BBOF1: variants seen among roughly 807,000 people sequenced by gnomAD.
BBOF1 encodes the protein basal body orientation factor 1, also known as basal body-orientation factor 1.
A neutral mutation model predicts 68.0 loss-of-function variants in BBOF1; 62 were observed. That is an observed-to-expected ratio of 0.91 (90% CI 0.74 to 1.13). The LOEUF (loss-of-function observed/expected upper bound fraction) is 1.13, where lower values mean the gene tolerates loss of function less well. Ranked by LOEUF, BBOF1 falls within the 50% of genes most tolerant of loss-of-function variation. The pLI is 0.00. For synonymous variants in BBOF1, 208 were observed against 198.8 expected, an observed-to-expected ratio of 1.05 and a Z score of -0.39; for missense variants, 534 against 600.1, an observed-to-expected ratio of 0.89 and a Z score of 1.15.
At chr14:74,072,454 A>G in intron 9 of BBOF1, 1 of 1,613,372 alleles carries the variant, frequency 6.2e-7, no homozygotes, top group South Asian at 1.1e-5. Flanking sequence ...GTGCTTTACA[A>G]CAGACACCCA....
At chr14:74,081,890 G>A (rs1369345567) in intron 12 of BBOF1, among the ~76,000 whole-genome samples, 1 of 152,184 alleles carries the variant, frequency 6.6e-6, no homozygotes, top group East Asian at 1.9e-4. Context: ...CACCGACAGT[G>A]CAAGTCGCTA....
Position 74,019,545 on chromosome 14 carries a change from G to A in BBOF1, c.56+11G>A. On this transcript the variant is annotated intron_variant, in intron 1 of 11. Coordinates refer to ENST00000394009, the MANE Select transcript of BBOF1 (RefSeq NM_025057.3). ...AGGCAAAGACACGAAGTAAGGAGAA[G>A]CCACCCGAGAGTCCCCTCTCCCTGG... 6.3e-7 allele frequency: 1 copy of A among 1,589,708 alleles called. No individual in the cohort carries two copies. The highest frequency in any genetic ancestry group is 8.6e-7 in the Non-Finnish European group (1 of 1,168,260).
At chr14:74,064,225 G>A (rs7142498) in intron 11 of BBOF1, among the ~76,000 whole-genome samples, 4,381 of 151,516 alleles carry the variant, frequency 0.029, 217 homozygotes, top group African/African-American at 0.1. Flanking sequence ...TTGAACCCAG[G>A]AGGCGGAGGT....
intron 4 of BBOF1, among the ~76,000 whole-genome samples, chr14:74,038,921 A>G (rs1269368283): frequency 6.6e-6 from 1 of 152,152 alleles, no homozygotes; most frequent in Non-Finnish European, 1.5e-5. Context: ...AAGAAATGAA[A>G]AAGAAAAAAA....
intron 9 of BBOF1, chr14:74,071,772 TA>T: frequency 6.8e-7 from 1 of 1,465,052 alleles, no homozygotes; most frequent in Non-Finnish European, 9.5e-7. Flanking sequence ...TCACAAGTAT[TA>T]AAAAAGATAT....
chr14:74,057,456 CAAATGT>C (rs1208558800), intron 11 of BBOF1, 198 bp downstream of exon 11: 11 of 1,457,506 alleles, frequency 7.5e-6, no homozygotes, highest in African/African-American at 1.4e-5. Flanking sequence ...AATGCAAATG[CAAATGT>C]GTGCCTCTTT....
At chr14:74,078,041 C>T (rs1014654930) in intron 9 of BBOF1, among the ~76,000 whole-genome samples, 5 of 152,126 alleles carry the variant, frequency 3.3e-5, no homozygotes, top group African/African-American at 1.2e-4. Flanking sequence ...AGTTCAAGAC[C>T]AGCTTGGGGA....
At chr14:74,044,475 CT>C (rs35074690) in intron 5 of BBOF1, among the ~76,000 whole-genome samples, 29 of 135,246 alleles carry the variant, frequency 2.1e-4, no homozygotes, top group Admixed American at 3.8e-4. Context: ...AACCTCTTCT[CT>C]TTTTTTTTTT....
intron 9 of BBOF1, chr14:74,071,641 T>C: frequency 6.5e-7 from 1 of 1,549,454 alleles, no homozygotes; most frequent in Non-Finnish European, 8.7e-7. Context: ...AAGTTAAGGG[T>C]TTGTGCAAAA....
At chr14:74,067,734 G>A (rs148787158), downstream of BBOF1, among the ~76,000 whole-genome samples, 109 of 152,072 alleles carry the variant, frequency 7.2e-4, no homozygotes, top group African/African-American at 2.2e-3. Context: ...GACCAGCCTA[G>A]GCAACATAGT....
intron 11 of BBOF1, chr14:74,058,597 T>G (rs2060271506): frequency 1.3e-5 from 1 of 77,832 alleles, no homozygotes; most frequent in African/African-American, 6.4e-5. Flanking sequence ...TTTCAAGGTC[T>G]TTTTTTTTTT....
chr14:74,080,392 G>C (rs192433667), intron 10 of BBOF1, among the ~76,000 whole-genome samples: 1 of 124,862 alleles, frequency 8.0e-6, no homozygotes, highest in African/African-American at 3.2e-5. Context: ...TTTTGAGACA[G>C]AGTCTCACTC....
intron 4 of BBOF1, among the ~76,000 whole-genome samples, chr14:74,034,577 T>C (rs117616370): frequency 6.6e-6 from 1 of 152,290 alleles, no homozygotes; most frequent in East Asian, 1.9e-4. Context: ...GTCAGTAGGG[T>C]GAGAAACACT....
rs924237521 is a variant in BBOF1 at position 74,074,947 on chromosome 14, A to G, written n.1380-3249A>G. ...TCAGAAGTCAACCTCTATGCCAAAT[A>G]AACTCACCACTGAAGAAGAGAAGGA... On this transcript the variant is annotated intron_variant and non_coding_transcript_variant, in intron 9 of 12. Coordinates refer to the BBOF1 transcript ENST00000492026. 1.9e-6 allele frequency: 3 copies of G among 1,613,814 alleles called. No homozygotes were observed. In the East Asian group the frequency reaches 6.7e-5, roughly 36 times the overall value.
chr14:74,052,665 A>G (rs2060094624), intron 8 of BBOF1, among the ~76,000 whole-genome samples: 2 of 150,676 alleles, frequency 1.3e-5, no homozygotes, highest in Admixed American at 1.3e-4. Flanking sequence ...AAATTACATC[A>G]TCTATTTAAA....
chr14:74,029,625 T>A (rs1342686199), intron 3 of BBOF1, among the ~76,000 whole-genome samples: 1 of 150,484 alleles, frequency 6.6e-6, no homozygotes, highest in Non-Finnish European at 1.5e-5. Flanking sequence ...GAAGTTGCAG[T>A]GAGCCAAGAT....
chr14:74,071,230 T>A (rs758761051), intron 9 of BBOF1: 1 of 1,614,168 alleles, frequency 6.2e-7, no homozygotes, highest in South Asian at 1.1e-5. Context: ...TAATGTTCCA[T>A]CAGGGGCACC....
rs2060036512 is a variant in BBOF1, at chr14:74,050,204, A to C, written c.1286+9A>C. On this transcript the variant is annotated intron_variant, in intron 8 of 11. Coordinates refer to ENST00000394009, the MANE Select transcript of BBOF1 (RefSeq NM_025057.3). ...CTGGAGGCCGAAAAATGGTACTAGC[A>C]ATACTTTATTATTATCTTTTTGCTG... is the stretch of plus-strand genomic sequence containing the variant. 6.6e-7 allele frequency: 1 copy of C among 1,520,744 alleles called. No individual in the cohort carries two copies. Among genetic ancestry groups the C allele is most frequent in the African/African-American group, 1.4e-5 (1 of 71,782 alleles). 94.2% of individuals were successfully genotyped at this position (1,520,744 alleles called of 1,614,324 possible).
At chr14:74,071,550 T>C in intron 9 of BBOF1, 1 of 1,612,188 alleles carries the variant, frequency 6.2e-7, no homozygotes, top group Non-Finnish European at 8.5e-7. Context: ...CTAGTTAGCT[T>C]TGTCCTGTTC....
Sources: allele counts gnomAD v4.1 joint callset (sites outside exome capture counted in the v4.1 genomes callset), GRCh38; gene constraint gnomAD v4.1.1; transcripts MANE v1.5; gene names NCBI Gene and HGNC (gene_info 2026-07-23, HGNC 2026-07-21).